MAL2: variants seen among roughly 807,000 people sequenced by gnomAD.
The protein encoded by MAL2 is protein MAL2.
MAL2 carries 17 observed loss-of-function variants against 18.1 expected under a neutral mutation model. The observed-to-expected ratio is 0.94, with a 90% CI of 0.64 to 1.41. The LOEUF (loss-of-function observed/expected upper bound fraction) is 1.41, where lower values mean the gene tolerates loss of function less well. Ranked by LOEUF, MAL2 falls within the 40% of genes most tolerant of loss-of-function variation. The probability of loss-of-function intolerance (pLI) is 0.00; values close to 1 mark genes in which losing one functional copy is unlikely to be tolerated. For missense variants in MAL2, 222 were observed against 231.9 expected (o/e 0.96, Z 0.28); for synonymous variants, 102 against 102.3 (o/e 1.00, Z 0.02).
chr8:119,231,002 G>A (rs571924754), intron 2 of MAL2, among the ~76,000 whole-genome samples: 6 of 152,100 alleles, frequency 3.9e-5, no homozygotes, highest in Middle Eastern at 3.4e-3. Context: ...TCCTAGCAGA[G>A]TATTTTAGAT....
chr8:119,208,448 G>A lies in MAL2; in HGVS notation c.-25G>A. ...AGGCGGGAGGCGGCGGCGGCGCGCG[G>A]AGACGCAGCAGCGGCAGCGGCAGCA... On this transcript the variant is annotated 5_prime_UTR_variant, in exon 1 of 4. Transcript: ENST00000614891. This position sits in a 1 kb window ranked among gnomAD's most constrained non-coding sequence, Gnocchi z 4.3. The A allele has an allele frequency of 8.4e-7, 1 of 1,187,824 alleles. No homozygotes were observed. The highest frequency in any genetic ancestry group is 1.0e-6 in the Non-Finnish European group (1 of 958,538). 73.6% of individuals were successfully genotyped at this position (1,187,824 alleles called of 1,614,324 possible).
chr8:119,218,272 A>G (rs1215395023), intron 1 of MAL2, among the ~76,000 whole-genome samples: 1 of 152,138 alleles, frequency 6.6e-6, no homozygotes, highest in Non-Finnish European at 1.5e-5. Flanking sequence ...ATACCCCACA[A>G]GTGAGGAGGT....
At chr8:119,240,046 A>G in intron 2 of MAL2, 119 bp from the exon 3 acceptor site, 2 of 1,079,962 alleles carry the variant, frequency 1.9e-6, no homozygotes, top group South Asian at 1.7e-5. Flanking sequence ...AACAGTGAAT[A>G]TAGTTAAGAT....
chr8:119,216,678 A>G (rs1010597590), intron 1 of MAL2, among the ~76,000 whole-genome samples: 1 of 152,178 alleles, frequency 6.6e-6, no homozygotes, highest in Non-Finnish European at 1.5e-5. Context: ...GAATTATCCA[A>G]TATATAGATA....
At chr8:119,229,979 C>T (rs1817682018) in intron 2 of MAL2, among the ~76,000 whole-genome samples, 2 of 152,166 alleles carry the variant, frequency 1.3e-5, no homozygotes, top group African/African-American at 2.4e-5. Flanking sequence ...CATATGTGCC[C>T]TTCCCATCAC....
chr8:119,221,458 G>A, intron 1 of MAL2, 129 bp from the exon 2 acceptor site: 1 of 1,093,120 alleles, frequency 9.1e-7, no homozygotes, highest in Non-Finnish European at 1.3e-6. Context: ...AAGGGATGGG[G>A]TTGCTGGAAT....
At chr8:119,222,397 G>A (rs941360847) in intron 2 of MAL2, among the ~76,000 whole-genome samples, 19 of 151,518 alleles carry the variant, frequency 1.3e-4, no homozygotes, top group Non-Finnish European at 2.6e-4. Context: ...GGGCATGATG[G>A]GGTGTGCCTG....
intron 2 of MAL2, among the ~76,000 whole-genome samples, chr8:119,237,127 ATACAAACTGCCATCAGAGAATAC>A (rs1157306964): frequency 6.6e-6 from 1 of 152,224 alleles, no homozygotes; most frequent in African/African-American, 2.4e-5. Context: ...ATCCACAGAA[ATACAAACTGCCATCAGAGAATAC>A]TACAAACACC....
chr8:119,208,640 A>G lies in MAL2; in HGVS notation c.132+36A>G. 7.8e-7 allele frequency: 1 copy of G among 1,274,030 alleles called. No individual in the cohort carries two copies. The highest frequency in any genetic ancestry group is 9.9e-7 in the Non-Finnish European group (1 of 1,008,562). 78.9% of individuals were successfully genotyped at this position (1,274,030 alleles called of 1,614,324 possible). On this transcript the variant is annotated intron_variant, in intron 1 of 3. Coordinates refer to ENST00000614891, the MANE Select transcript of MAL2 (RefSeq NM_052886.3). This position sits in a 1 kb window ranked among gnomAD's most constrained non-coding sequence, Gnocchi z 4.3. ...CCGCCGGAGCGAGGGTCGCGCGGGG[A>G]GCGAGGACAGGCGGCGGCATCCTTG...
intron 2 of MAL2, among the ~76,000 whole-genome samples, chr8:119,238,091 C>T (rs894584191): frequency 7.2e-5 from 11 of 152,234 alleles, no homozygotes; most frequent in African/African-American, 1.9e-4. Context: ...AGCAAAGTCT[C>T]AGGATACAAA....
chr8:119,240,965 TTTG>T (rs1374931467), intron 3 of MAL2, among the ~76,000 whole-genome samples: 1 of 152,126 alleles, frequency 6.6e-6, no homozygotes, highest in African/African-American at 2.4e-5. Context: ...ATATATTATT[TTTG>T]TTGTTAGAGA....
At chr8:119,232,379 A>G (rs1817752280) in intron 2 of MAL2, among the ~76,000 whole-genome samples, 1 of 152,142 alleles carries the variant, frequency 6.6e-6, no homozygotes, top group Non-Finnish European at 1.5e-5. Flanking sequence ...AATGGAGATA[A>G]TAAATGATGG....
chr8:119,238,747 C>T (rs1339072644), intron 2 of MAL2, among the ~76,000 whole-genome samples: 1 of 150,364 alleles, frequency 6.7e-6, no homozygotes, highest in Non-Finnish European at 1.5e-5. Flanking sequence ...AACTGGATCC[C>T]TTCCTTACAC....
intron 2 of MAL2, among the ~76,000 whole-genome samples, chr8:119,227,784 A>G (rs1321154075): frequency 6.6e-6 from 1 of 152,122 alleles, no homozygotes; most frequent in Non-Finnish European, 1.5e-5. Flanking sequence ...GACTTAAAGG[A>G]GAGAGGTTAG....
intron 1 of MAL2, among the ~76,000 whole-genome samples, chr8:119,217,337 T>A (rs1006792723): frequency 6.6e-6 from 1 of 152,214 alleles, no homozygotes; most frequent in Non-Finnish European, 1.5e-5. Flanking sequence ...CAGAATATAT[T>A]TGAGTACTTC....
At position 119,217,262 on chromosome 8, in the gene MAL2, CAT is replaced by C. The variant is rs141181372; in HGVS notation, c.133-4324_133-4323del. 1.3e-3 allele frequency among the ~76,000 whole-genome samples: 199 copies of C among 152,316 alleles called. 1 individual carries two copies. Among genetic ancestry groups the C allele is most frequent in the African/African-American group, 2.5e-3 (106 of 41,572 alleles). On this transcript the variant is annotated intron_variant, in intron 1 of 3. Coordinates refer to ENST00000614891, the MANE Select transcript of MAL2 (RefSeq NM_052886.3). ...GCAGAGACCAAGCAAACATAACAAA[CAT>C]GTGTTAAACCAGAAAGAAGATCAGT... is the stretch of plus-strand genomic sequence containing the variant.
At chr8:119,224,356 G>T (rs1370036441) in intron 2 of MAL2, 1 of 151,978 alleles carries the variant, frequency 6.6e-6, no homozygotes. Flanking sequence ...TTAAACAGAA[G>T]ATTCTAAATT....
At position 119,243,582 on chromosome 8, in the gene MAL2, A is replaced by T; in HGVS notation, c.*94A>T. 1 of 1,103,802 alleles carries T rather than the reference A, an allele frequency of 9.1e-7. No homozygotes were observed. The highest frequency in any genetic ancestry group is 2.8e-5 in the East Asian group (1 of 35,916). 68.4% of individuals were successfully genotyped at this position (1,103,802 alleles called of 1,614,324 possible). On this transcript the variant is annotated 3_prime_UTR_variant, in exon 4 of 4. Coordinates refer to ENST00000614891, the MANE Select transcript of MAL2 (RefSeq NM_052886.3). ...TACCATTTTGTCCAGATGCAAAAAC[A>T]TTCCAAAAGTAATGTGTTTAGTAGA...
chr8:119,240,186 G>A lies in MAL2; in HGVS notation c.325G>A (p.Val109Ile). Residue 109 changes from valine to isoleucine, a missense_variant, in exon 3 of 4, where the codon GTA becomes ATA. Coordinates refer to ENST00000614891, the MANE Select transcript of MAL2 (RefSeq NM_052886.3). ...NFLDFAYHFT[V>I]FVFYFGAFLL... ...TTAGGATTTTGCCTACCATTTTACA[G>A]TATTTGTCTTCTATTTTGGAGCCTT... 1 of 1,613,440 alleles carries A rather than the reference G, an allele frequency of 6.2e-7. No individual in the cohort carries two copies. The highest frequency in any genetic ancestry group is 8.5e-7 in the Non-Finnish European group (1 of 1,179,674).
Sources: allele counts gnomAD v4.1 joint callset (sites outside exome capture counted in the v4.1 genomes callset), GRCh38; gene constraint gnomAD v4.1.1; non-coding constraint Gnocchi (gnomAD v3.1); transcripts MANE v1.5; gene names NCBI Gene and HGNC (gene_info 2026-07-23, HGNC 2026-07-21).